The following PDE4D variants were observed in gnomAD, a reference collection of about 807,000 sequenced individuals.
PDE4D encodes the protein phosphodiesterase 4D.
PDE4D carries 24 observed loss-of-function variants against 87.4 expected under a neutral mutation model. The ratio of observed to expected loss-of-function variants is 0.27; its 90% CI spans 0.20 to 0.39. PDE4D has a LOEUF of 0.39. PDE4D is among the 10% of genes least tolerant of loss of function. The pLI is 1.00. For missense variants in PDE4D, 714 were observed against 1,041.0 expected (o/e 0.69, Z 4.32); for synonymous variants, 384 against 383.2 (o/e 1.00, Z -0.02).
chr5:60,502,606 C>A (rs1315697712), intron 1 of PDE4D, among the ~76,000 whole-genome samples: 3 of 152,084 alleles, frequency 2.0e-5, no homozygotes, highest in Non-Finnish European at 2.9e-5. Context: ...CTTGGCTGTC[C>A]CCCTGCTACA....
intron 2 of PDE4D, among the ~76,000 whole-genome samples, chr5:60,059,619 C>A (rs892428917): frequency 2.6e-5 from 4 of 151,888 alleles, no homozygotes; most frequent in African/African-American, 7.2e-5. Flanking sequence ...AGAGAAATTG[C>A]CTTTCCAGAA....
At chr5:58,991,016 C>T (rs1213668910) in intron 8 of PDE4D, 114 bp from the exon 9 acceptor site, 3 of 629,392 alleles carry the variant, frequency 4.8e-6, no homozygotes, top group Non-Finnish European at 8.2e-6. Flanking sequence ...CATAGAGGCT[C>T]AAGCCTGTAA....
chr5:59,403,923 G>C (rs897834194), intron 1 of PDE4D, among the ~76,000 whole-genome samples: 1 of 152,148 alleles, frequency 6.6e-6, no homozygotes, highest in African/African-American at 2.4e-5. Flanking sequence ...CCCACCAAAA[G>C]TGTAGGAGTG....
intron 2 of PDE4D, among the ~76,000 whole-genome samples, chr5:60,137,428 G>A (rs917667720): frequency 5.3e-5 from 8 of 152,142 alleles, no homozygotes; most frequent in Non-Finnish European, 1.0e-4. Flanking sequence ...CAGAGTAAAA[G>A]CATTCGTTTT....
chr5:60,025,184 C>T lies in PDE4D; in HGVS notation c.43-36467G>A, dbSNP rs117564583. On this transcript the variant is annotated intron_variant, in intron 2 of 16. Transcript: ENST00000502484. ...GTAACTACTTTATTAGTTGGCCTCA[C>T]TTATAAAGTAGTCTGTCAAGATATT... Among the ~76,000 whole-genome samples, 37 of 152,248 alleles carry T rather than the reference C, an allele frequency of 2.4e-4. 3 individuals are homozygous for T. The East Asian group carries it at 7.2e-3, about 29-fold the overall frequency.
chr5:59,686,704 C>T (rs954205081), intron 1 of PDE4D, among the ~76,000 whole-genome samples: 10 of 152,110 alleles, frequency 6.6e-5, no homozygotes, highest in Admixed American at 3.9e-4. Flanking sequence ...TATTTACCCA[C>T]AGAGCACTCT....
intron 1 of PDE4D, among the ~76,000 whole-genome samples, chr5:59,464,893 A>C (rs1582732848): frequency 6.6e-6 from 1 of 152,220 alleles, no homozygotes; most frequent in South Asian, 2.1e-4. Flanking sequence ...AGGACAAAAA[A>C]AAAATCTTTT....
chr5:60,093,904 A>G (rs1431534736), intron 2 of PDE4D, among the ~76,000 whole-genome samples: 1 of 152,166 alleles, frequency 6.6e-6, no homozygotes, highest in East Asian at 1.9e-4. Flanking sequence ...ATAATATACC[A>G]ACAATTATCT....
intron 1 of PDE4D, among the ~76,000 whole-genome samples, chr5:59,540,296 T>A (rs974034962): frequency 1.3e-5 from 2 of 151,946 alleles, no homozygotes; most frequent in Non-Finnish European, 2.9e-5. Context: ...ACTGCCTAAA[T>A]ACATAAAGCC....
At position 59,548,844 on chromosome 5, in the gene PDE4D, C is replaced by G. The variant is rs1157689758; in HGVS notation, c.456-332876G>C. ...CCTTACAGGAGTTCACCTAGTTACACAAGAGAGAAACTCCCATGACACCCC... is the reference window on the plus strand; with the variant it reads ...CCTTACAGGAGTTCACCTAGTTACAGAAGAGAGAAACTCCCATGACACCCC... On this transcript the variant is annotated intron_variant, in intron 1 of 14. Transcript: ENST00000340635. Among the ~76,000 whole-genome samples the G allele has an allele frequency of 4.6e-5, 7 of 152,228 alleles. No individual in the cohort carries two copies. In the South Asian group the frequency reaches 1.5e-3, roughly 32 times the overall value.
At chr5:59,490,705 A>G (rs150780640) in intron 1 of PDE4D, among the ~76,000 whole-genome samples, 1 of 152,242 alleles carries the variant, frequency 6.6e-6, no homozygotes, top group Non-Finnish European at 1.5e-5. Context: ...AAAATAAACT[A>G]TTATAACCAA....
chr5:60,401,238 A>C (rs2150046681), intron 1 of PDE4D, among the ~76,000 whole-genome samples: 1 of 152,334 alleles, frequency 6.6e-6, no homozygotes, highest in Non-Finnish European at 1.5e-5. Context: ...GAGACTGCAC[A>C]AAAAGCCGGC....
chr5:59,283,905 T>C (rs1329026485), intron 1 of PDE4D, among the ~76,000 whole-genome samples: 4 of 152,150 alleles, frequency 2.6e-5, no homozygotes, highest in African/African-American at 9.7e-5. Context: ...ACTGTTTAGC[T>C]ATCGATTTGG....
intron 2 of PDE4D, among the ~76,000 whole-genome samples, chr5:60,024,938 G>C: frequency 6.6e-6 from 1 of 152,024 alleles, no homozygotes; most frequent in South Asian, 2.1e-4. Flanking sequence ...AGGTTTGTTT[G>C]TTTCAAAAGC....
At chr5:60,293,195 G>A (rs1250926030) in intron 1 of PDE4D, among the ~76,000 whole-genome samples, 1 of 151,794 alleles carries the variant, frequency 6.6e-6, no homozygotes, top group Non-Finnish European at 1.5e-5. Context: ...GTCATTAGAA[G>A]GATTCCTGAA....
At chr5:59,719,576 C>G (rs1166445761) in intron 1 of PDE4D, among the ~76,000 whole-genome samples, 1 of 152,142 alleles carries the variant, frequency 6.6e-6, no homozygotes, top group African/African-American at 2.4e-5. Context: ...GGTACTACTA[C>G]CTGGCTCCAG....
At chr5:59,132,253 T>TA (rs1165237477) in intron 5 of PDE4D, among the ~76,000 whole-genome samples, 1 of 152,180 alleles carries the variant, frequency 6.6e-6, no homozygotes, top group Non-Finnish European at 1.5e-5. Context: ...TTGCACATAT[T>TA]AGACTTCTCA....
chr5:60,014,042 G>T (rs1305558626), intron 2 of PDE4D, among the ~76,000 whole-genome samples: 1 of 146,632 alleles, frequency 6.8e-6, no homozygotes, highest in African/African-American at 2.6e-5. Flanking sequence ...GCCGTGAGCC[G>T]AGATCATGCC....
chr5:59,631,937 G>C (rs942439194), intron 1 of PDE4D, among the ~76,000 whole-genome samples: 1 of 152,168 alleles, frequency 6.6e-6, no homozygotes, highest in African/African-American at 2.4e-5. Context: ...GGGAGCCAAG[G>C]GGTCTTGCTC....
Sources: gnomAD v4.1 joint callset for allele counts (sites outside exome capture counted in the v4.1 genomes callset) on GRCh38, gnomAD v4.1.1 for gene constraint, MANE v1.5 for transcripts, NCBI Gene and HGNC (gene_info 2026-07-23, HGNC 2026-07-21) for gene names.